The following NRG1 variants were observed in gnomAD, a reference collection of about 807,000 sequenced individuals.
The protein encoded by NRG1 is neuregulin 1.
Under a neutral mutation model 63.8 loss-of-function variants are expected in NRG1, and 18 were observed. The ratio of observed to expected loss-of-function variants is 0.28; its 90% confidence interval spans 0.19 to 0.42. The LOEUF is 0.42. NRG1 is among the 10% of genes least tolerant of loss of function. The pLI is 1.00. For missense variants in NRG1, 762 were observed against 814.7 expected (o/e 0.94, Z 0.79); for synonymous variants, 302 against 301.3 (o/e 1.00, Z -0.02).
At chr8:32,158,012 A>G (rs1232193508) in intron 1 of NRG1, among the ~76,000 whole-genome samples, 1 of 152,198 alleles carries the variant, frequency 6.6e-6, no homozygotes, top group East Asian at 1.9e-4. Context: ...AACCACGTCA[A>G]CAGGACTCCC....
chr8:32,545,114 C>G (rs1832950194), upstream of NRG1, among the ~76,000 whole-genome samples: 1 of 152,090 alleles, frequency 6.6e-6, no homozygotes, highest in African/African-American at 2.4e-5. Context: ...TTTAATTTTT[C>G]CATGTTTTAA....
intron 1 of NRG1, among the ~76,000 whole-genome samples, chr8:32,198,742 T>A (rs1223201944): frequency 6.6e-6 from 1 of 152,200 alleles, no homozygotes; most frequent in East Asian, 1.9e-4. Flanking sequence ...TTTAAATTAG[T>A]TAATGACAGG....
At chr8:31,951,560 T>C (rs1388276684) in intron 1 of NRG1, among the ~76,000 whole-genome samples, 2 of 152,210 alleles carry the variant, frequency 1.3e-5, no homozygotes, top group Non-Finnish European at 2.9e-5. Context: ...CCAGTCCATC[T>C]AAAAATATCT....
intron 1 of NRG1, among the ~76,000 whole-genome samples, chr8:32,582,544 G>A (rs933316734): frequency 3.3e-5 from 5 of 152,152 alleles, no homozygotes; most frequent in Non-Finnish European, 5.9e-5. Context: ...CAAAGTATGG[G>A]ATACAGTTCT....
At chr8:31,897,180 G>A (rs1429553066) in intron 1 of NRG1, among the ~76,000 whole-genome samples, 1 of 152,080 alleles carries the variant, frequency 6.6e-6, no homozygotes, top group Admixed American at 6.5e-5. Flanking sequence ...TCTCAACCAA[G>A]GGCATTCCAA....
chr8:32,747,268 G>A (rs1473776194), intron 7 of NRG1, among the ~76,000 whole-genome samples: 1 of 152,044 alleles, frequency 6.6e-6, no homozygotes, highest in Non-Finnish European at 1.5e-5. Context: ...AGTTTCTGTA[G>A]ACATCGCTTG....
At chr8:31,965,245 C>A (rs1410165516) in intron 1 of NRG1, among the ~76,000 whole-genome samples, 3 of 148,266 alleles carry the variant, frequency 2.0e-5, no homozygotes, top group Non-Finnish European at 4.4e-5. Context: ...TTTTTTGAGA[C>A]AGAGTCTCAC....
chr8:32,752,762 C>G (rs1429046306), intron 7 of NRG1, among the ~76,000 whole-genome samples: 1 of 152,130 alleles, frequency 6.6e-6, no homozygotes, highest in African/African-American at 2.4e-5. Flanking sequence ...CACCTCCAAC[C>G]CTTTTGATTT....
chr8:32,706,396 A>G (rs1028046105), intron 5 of NRG1, among the ~76,000 whole-genome samples: 2 of 152,238 alleles, frequency 1.3e-5, no homozygotes, highest in African/African-American at 4.8e-5. Context: ...GAATGCATAC[A>G]GTTTTATCAA....
At chr8:31,848,340 T>C (rs1826882611) in intron 1 of NRG1, among the ~76,000 whole-genome samples, 1 of 152,220 alleles carries the variant, frequency 6.6e-6, no homozygotes, top group Non-Finnish European at 1.5e-5. Context: ...TTTTTCCTCC[T>C]GAAGGGGAAA....
intron 1 of NRG1, among the ~76,000 whole-genome samples, chr8:31,921,526 C>A (rs1302845234): frequency 6.6e-6 from 1 of 151,978 alleles, no homozygotes; most frequent in Non-Finnish European, 1.5e-5. Flanking sequence ...TTACATCTGG[C>A]AACAGGAAGA....
At chr8:32,057,736 G>A (rs1257991247) in intron 1 of NRG1, among the ~76,000 whole-genome samples, 3 of 152,066 alleles carry the variant, frequency 2.0e-5, no homozygotes, top group African/African-American at 7.2e-5. Context: ...AGTACTTATT[G>A]GGTTCTAAAG....
intron 1 of NRG1, among the ~76,000 whole-genome samples, chr8:32,130,341 A>T (rs574700232): frequency 6.6e-6 from 1 of 152,170 alleles, no homozygotes; most frequent in South Asian, 2.1e-4. Flanking sequence ...AGAATTTCAC[A>T]AAATTCTCAG....
intron 1 of NRG1, among the ~76,000 whole-genome samples, chr8:32,418,570 G>C (rs1320329598): frequency 6.6e-6 from 1 of 151,920 alleles, no homozygotes; most frequent in African/African-American, 2.4e-5. Context: ...ATAGCCATAT[G>C]TGTCTATTGG....
At chr8:31,868,566 G>A (rs1829199822) in intron 1 of NRG1, among the ~76,000 whole-genome samples, 1 of 152,140 alleles carries the variant, frequency 6.6e-6, no homozygotes, top group African/African-American at 2.4e-5. Context: ...AATCAGTCCA[G>A]CCTGTGTGAA....
chr8:32,222,887 T>C lies in NRG1; in HGVS notation c.38-372941T>C, dbSNP rs188778344. Reference sequence around the variant, plus strand: ...TCTTGCCTGTTTTAAGTAGATTCTATTTCCATTTTGCCGGTGACAGCACTA... The same window carrying C: ...TCTTGCCTGTTTTAAGTAGATTCTACTTCCATTTTGCCGGTGACAGCACTA... On this transcript the variant is annotated intron_variant, in intron 1 of 10. Transcript: ENST00000519301. 6.0e-3 allele frequency among the ~76,000 whole-genome samples: 912 copies of C among 152,348 alleles called. 3 individuals carry two copies. The highest frequency in any genetic ancestry group is 0.01 in the Non-Finnish European group (705 of 68,040).
intron 1 of NRG1, among the ~76,000 whole-genome samples, chr8:32,516,807 G>A (rs1041289299): frequency 1.3e-5 from 2 of 152,100 alleles, no homozygotes; most frequent in African/African-American, 2.4e-5. Context: ...TTAGTTAATA[G>A]AAGTCATAGT....
chr8:31,846,490 A>G (rs1209277478), intron 1 of NRG1, among the ~76,000 whole-genome samples: 1 of 152,230 alleles, frequency 6.6e-6, no homozygotes, highest in Non-Finnish European at 1.5e-5. Flanking sequence ...TAACTTCAAC[A>G]TCCAACAAAT....
chr8:32,541,729 G>A (rs569523966), intron 1 of NRG1, among the ~76,000 whole-genome samples: 3 of 152,286 alleles, frequency 2.0e-5, no homozygotes, highest in East Asian at 1.9e-4. Context: ...CAAAGCATCT[G>A]AATCTCTCTC....
Sources: allele counts gnomAD v4.1 joint callset (sites outside exome capture counted in the v4.1 genomes callset), GRCh38; gene constraint gnomAD v4.1.1; transcripts MANE v1.5; gene names NCBI Gene and HGNC (gene_info 2026-07-23, HGNC 2026-07-21).